Variants in CFAP299 observed in about 807,000 individuals in gnomAD.
CFAP299 encodes cilia- and flagella-associated protein 299.
A neutral mutation model predicts 27.0 loss-of-function variants in CFAP299; 21 were observed. That is an observed-to-expected ratio of 0.78 (90% confidence interval 0.55 to 1.12). The LOEUF (loss-of-function observed/expected upper bound fraction) is 1.12. CFAP299 is among the 50% of genes most tolerant of loss of function. CFAP299 has a pLI of 0.00. For synonymous variants in CFAP299, 104 were observed against 98.1 expected, an observed-to-expected ratio of 1.06 and a Z score of -0.36; for missense variants, 310 against 276.6, an observed-to-expected ratio of 1.12 and a Z score of -0.86.
intron 2 of CFAP299, chr4:80,388,302 A>T (rs4693021): frequency 7.2e-6 from 5 of 692,976 alleles, no homozygotes; most frequent in East Asian, 2.6e-5. Context: ...GACATGAGCA[A>T]GTCATTGCTT....
chr4:80,904,348 G>T (rs188712775), intron 4 of CFAP299, among the ~76,000 whole-genome samples: 1 of 152,118 alleles, frequency 6.6e-6, no homozygotes, highest in Non-Finnish European at 1.5e-5. Flanking sequence ...AAGTCAATGC[G>T]TGAGGCTTCC....
chr4:80,961,173 G>T (rs1460362506), intron 5 of CFAP299, among the ~76,000 whole-genome samples: 1 of 151,526 alleles, frequency 6.6e-6, no homozygotes, highest in Non-Finnish European at 1.5e-5. Context: ...TAAATTTATA[G>T]TTTTCATTAT....
intron 3 of CFAP299, among the ~76,000 whole-genome samples, chr4:80,637,534 CG>C (rs1289894417): frequency 6.6e-6 from 1 of 151,974 alleles, no homozygotes; most frequent in Admixed American, 6.6e-5. Flanking sequence ...ACCCAAAGAT[CG>C]AGTTTAAAGT....
chr4:80,883,951 T>G (rs1450941974), intron 4 of CFAP299, among the ~76,000 whole-genome samples: 2 of 152,210 alleles, frequency 1.3e-5, no homozygotes, highest in African/African-American at 4.8e-5. Context: ...TTGTACCAAT[T>G]ATTTCATCAC....
intron 1 of CFAP299, among the ~76,000 whole-genome samples, chr4:80,351,926 A>T (rs1416324349): frequency 6.6e-6 from 1 of 150,694 alleles, no homozygotes; most frequent in Non-Finnish European, 1.5e-5. Context: ...TGTTAATTTT[A>T]TATTAACATT....
At chr4:80,778,706 C>T (rs1274875889) in intron 3 of CFAP299, among the ~76,000 whole-genome samples, 1 of 152,012 alleles carries the variant, frequency 6.6e-6, no homozygotes, top group Non-Finnish European at 1.5e-5. Flanking sequence ...GGATAGGGAA[C>T]CAACTACATC....
At chr4:80,547,418 T>TA (rs1312465335) in intron 2 of CFAP299, among the ~76,000 whole-genome samples, 10 of 151,964 alleles carry the variant, frequency 6.6e-5, no homozygotes, top group Non-Finnish European at 1.5e-4. Context: ...CTAAAAGAAT[T>TA]TAAAAAATCC....
intron 4 of CFAP299, among the ~76,000 whole-genome samples, chr4:80,932,821 G>T (rs1736688076): frequency 6.6e-6 from 1 of 152,032 alleles, no homozygotes; most frequent in Non-Finnish European, 1.5e-5. Flanking sequence ...GCTTACTCTT[G>T]TCTTGGCACA....
chr4:80,775,708 T>G (rs775373880), intron 3 of CFAP299, among the ~76,000 whole-genome samples: 1 of 152,104 alleles, frequency 6.6e-6, no homozygotes, highest in Non-Finnish European at 1.5e-5. Context: ...ATCTTGGACT[T>G]CTGAGAATTT....
intron 4 of CFAP299, among the ~76,000 whole-genome samples, chr4:80,900,521 G>T (rs75668537): frequency 6.6e-6 from 1 of 151,972 alleles, no homozygotes; most frequent in Non-Finnish European, 1.5e-5. Flanking sequence ...GGATTAATAC[G>T]TATCATCTAA....
chr4:80,767,469 C>T (rs1338519550), intron 3 of CFAP299, among the ~76,000 whole-genome samples: 1 of 151,982 alleles, frequency 6.6e-6, no homozygotes, highest in Non-Finnish European at 1.5e-5. Flanking sequence ...ATTAGCCAGG[C>T]GTGGTGGTGG....
chr4:80,465,008 C>T (rs978657486), intron 2 of CFAP299, among the ~76,000 whole-genome samples: 3 of 151,894 alleles, frequency 2.0e-5, no homozygotes, highest in Non-Finnish European at 4.4e-5. Flanking sequence ...CCATGGCTTA[C>T]TTGTTTTAAG....
intron 4 of CFAP299, chr4:80,871,573 T>C (rs1344667010): frequency 1.0e-6 from 1 of 985,330 alleles, no homozygotes; most frequent in East Asian, 1.1e-4. Flanking sequence ...GCAAATGGCA[T>C]CACCCTTGAA....
At chr4:80,788,673 A>G (rs1024686135) in intron 3 of CFAP299, among the ~76,000 whole-genome samples, 2 of 151,962 alleles carry the variant, frequency 1.3e-5, no homozygotes, top group Non-Finnish European at 2.9e-5. Context: ...GTTTGAAAAG[A>G]TCTTTTCTTC....
At chr4:80,618,382 C>T (rs1738405602) in intron 3 of CFAP299, among the ~76,000 whole-genome samples, 1 of 152,036 alleles carries the variant, frequency 6.6e-6, no homozygotes, top group Non-Finnish European at 1.5e-5. Flanking sequence ...ACAATGAATA[C>T]TACTGAAGGA....
At chr4:80,398,210 A>G (rs1210633357) in intron 2 of CFAP299, among the ~76,000 whole-genome samples, 3 of 152,352 alleles carry the variant, frequency 2.0e-5, no homozygotes, top group Admixed American at 6.5e-5. Context: ...ATGGAAGATC[A>G]TTCCATGCTC....
At chr4:80,674,028 G>A (rs1436306329) in intron 3 of CFAP299, among the ~76,000 whole-genome samples, 2 of 152,066 alleles carry the variant, frequency 1.3e-5, no homozygotes, top group Non-Finnish European at 2.9e-5. Context: ...TACATTTAAG[G>A]TTAATATTGT....
intron 2 of CFAP299, among the ~76,000 whole-genome samples, chr4:80,564,525 TAACTC>T (rs1348239141): frequency 6.6e-6 from 1 of 151,924 alleles, no homozygotes; most frequent in Non-Finnish European, 1.5e-5. Flanking sequence ...ACAAGGAACA[TAACTC>T]AACATAATAA....
Position 80,591,104 on chromosome 4 carries a change from A to ATTTTTTTTTTTTTTTTTTTTTTTTTTTT in CFAP299, c.333+7921_333+7922insTTTTTTTTTTTTTTTTTTTTTTTTTTTT, listed in dbSNP as rs1339201630. Among the ~76,000 whole-genome samples, 7 of 116,498 alleles carry ATTTTTTTTTTTTTTTTTTTTTTTTTTTT rather than the reference A, an allele frequency of 6.0e-5. 3 individuals carry two copies. The highest frequency in any genetic ancestry group is 6.5e-5 in the African/African-American group (2 of 30,932). 76.4% of individuals were successfully genotyped at this position (116,498 alleles called of 152,430 possible). ...AGAAACAGATTATAATACTTTAGGA[A>ATTTTTTTTTTTTTTTTTTTTTTTTTTTT]ATTTTTTTTTTTTTTTTTTTTTTTT... is the stretch of plus-strand genomic sequence containing the variant. On this transcript the variant is annotated intron_variant, in intron 3 of 5. Coordinates refer to ENST00000358105, the MANE Select transcript of CFAP299 (RefSeq NM_152770.3).
Sources: allele counts gnomAD v4.1 joint callset (sites outside exome capture counted in the v4.1 genomes callset), GRCh38; gene constraint gnomAD v4.1.1; transcripts MANE v1.5; gene names NCBI Gene and HGNC (gene_info 2026-07-23, HGNC 2026-07-21).